The following MYH10 variants were observed in gnomAD, a reference collection of about 807,000 sequenced individuals.
MYH10 encodes the protein myosin heavy chain 10.
Under a neutral mutation model 257.8 loss-of-function variants are expected in MYH10, and 55 were observed. That is an observed-to-expected ratio of 0.21 (90% CI 0.17 to 0.27). The LOEUF is 0.27. Among genes scored for constraint, MYH10 ranks in the 10% least tolerant of loss-of-function variants. MYH10 has a pLI of 1.00. For missense variants in MYH10, 1,631 were observed against 2,500.6 expected (o/e 0.65, Z 7.42); for synonymous variants, 854 against 921.7 (o/e 0.93, Z 1.33).
intron 7 of MYH10, among the ~76,000 whole-genome samples, chr17:8,559,990 C>T (rs2082932443): frequency 2.0e-5 from 3 of 152,188 alleles, no homozygotes; most frequent in Admixed American, 1.3e-4. Context: ...CGTTCTCAAA[C>T]TTCTCATTTT....
chr17:8,587,231 TCTGCAGAA>T (rs2083943853), intron 4 of MYH10, among the ~76,000 whole-genome samples: 1 of 152,226 alleles, frequency 6.6e-6, no homozygotes, highest in South Asian at 2.1e-4. Context: ...CTGGCCCAGA[TCTGCAGAA>T]CTGCCCAGCT....
Position 8,554,026 on chromosome 17 carries a change from TA to T in MYH10, c.757-9del. 6.2e-7 allele frequency: 1 copy of T among 1,608,920 alleles called. No homozygotes were observed. The highest frequency in any genetic ancestry group is 8.5e-7 in the Non-Finnish European group (1 of 1,176,134). On this transcript the variant is annotated splice_polypyrimidine_tract_variant and intron_variant, in intron 7 of 42. Transcript: ENST00000360416. Reference sequence around the variant, plus strand: ...GATCCGAATAAATTTGCCCTGAAAATAAATTAAAAAGAGAAAATTGAAAATA... The same window carrying T: ...GATCCGAATAAATTTGCCCTGAAAATAATTAAAAAGAGAAAATTGAAAATA...
In MYH10 at chr17:8,604,977, A is replaced by G; in HGVS notation, c.351T>C (p.Tyr117=). 6.8e-7 allele frequency: 1 copy of G among 1,471,818 alleles called. No homozygotes were observed. The allele number at this position is 1,471,818 out of a possible 1,614,324, so 91.2% of individuals were successfully genotyped here. A position where few individuals can be genotyped will look rare whatever the true frequency, so the allele number is the denominator to read the frequency against. ...TTATAACTACACAGAAGAGTCCAGA[A>G]TAAGTCTAGAATAAAAATAAAATAG... is the stretch of plus-strand genomic sequence containing the variant. The part of the protein sequence containing the change: ...DRYYSGLIYT[Y]SGLFCVVINP... The change falls in exon 3 of 43, where the codon TAT becomes TAC. Residue 117 remains tyrosine (Y), a synonymous_variant. Transcript: ENST00000360416.
chr17:8,614,918 T>C (rs966568696), intron 2 of MYH10, among the ~76,000 whole-genome samples: 9 of 152,080 alleles, frequency 5.9e-5, no homozygotes, highest in African/African-American at 2.2e-4. Flanking sequence ...CTACAGAAAA[T>C]AAGCATATTA....
intron 31 of MYH10, 36 bp from the exon 32 acceptor site, chr17:8,493,921 C>A: frequency 1.3e-6 from 2 of 1,576,112 alleles, no homozygotes; most frequent in Non-Finnish European, 1.7e-6. Context: ...ACTTCCATTA[C>A]ATTTATCACC....
chr17:8,489,706 AAAACACACACACACACACACACAC>A (rs1194650227), intron 35 of MYH10, among the ~76,000 whole-genome samples: 5 of 112,886 alleles, frequency 4.4e-5, no homozygotes, highest in African/African-American at 1.8e-4. Flanking sequence ...TCCGTCTGAA[AAAACACACACACACACACACACAC>A]ACACACACAC....
intron 11 of MYH10, among the ~76,000 whole-genome samples, chr17:8,547,652 A>C (rs1206468684): frequency 6.6e-6 from 1 of 151,270 alleles, no homozygotes; most frequent in Non-Finnish European, 1.5e-5. Context: ...TGTTAGAATA[A>C]TCAAGCAGTC....
chr17:8,570,429 T>C (rs1483189601), intron 6 of MYH10, among the ~76,000 whole-genome samples: 1 of 152,170 alleles, frequency 6.6e-6, no homozygotes, highest in Non-Finnish European at 1.5e-5. Flanking sequence ...TACTTATATG[T>C]AAATTAGGCT....
intron 29 of MYH10, 129 bp from the exon 30 acceptor site, chr17:8,499,605 T>C: frequency 1.3e-6 from 1 of 783,898 alleles, no homozygotes; most frequent in South Asian, 1.7e-5. Context: ...GTTGAATGAA[T>C]GAATGAAAAT....
intron 41 of MYH10, among the ~76,000 whole-genome samples, chr17:8,478,037 G>A (rs1484321773): frequency 1.3e-5 from 2 of 152,280 alleles, no homozygotes; most frequent in Non-Finnish European, 2.9e-5. Flanking sequence ...TAGGCATTAG[G>A]GAGATAACAG....
chr17:8,619,155 A>G (rs1418406227), intron 2 of MYH10, among the ~76,000 whole-genome samples: 1 of 152,222 alleles, frequency 6.6e-6, no homozygotes, highest in Non-Finnish European at 1.5e-5. Flanking sequence ...CCATTTTGTC[A>G]CACTGAATAT....
At chr17:8,617,344 G>A (rs934946270) in intron 2 of MYH10, among the ~76,000 whole-genome samples, 2 of 152,108 alleles carry the variant, frequency 1.3e-5, no homozygotes, top group Non-Finnish European at 2.9e-5. Context: ...TCTGAGTTGA[G>A]GCAACAGCTC....
rs559050865 is a variant in MYH10, at chr17:8,506,671, G to C, written c.3215-182C>G. 3.3e-5 allele frequency among the ~76,000 whole-genome samples: 5 copies of C among 152,240 alleles called. No individual in the cohort carries two copies. The highest frequency in any genetic ancestry group is 1.2e-4 in the African/African-American group (5 of 41,534). ...GTCATTTCAAACCCACCGAGATCTG[G>C]AGGGGAGATAAATTAGTGTGGGGAG... On this transcript the variant is annotated intron_variant, in intron 26 of 42. Transcript: ENST00000360416. The surrounding 1 kb of genome is among the most constrained non-coding windows in gnomAD (Gnocchi z 5.0).
At position 8,493,836 on chromosome 17, in the gene MYH10, A is replaced by G. The variant is rs1916139915; in HGVS notation, c.4106T>C (p.Ile1369Thr). Residue 1369 changes from isoleucine to threonine, a missense_variant, in exon 32 of 43, where the codon ATC becomes ACC. Ile to Thr is a moderately conservative substitution (Grantham distance 89). Coordinates refer to ENST00000360416, the MANE Select transcript of MYH10 (RefSeq NM_001256012.3). ...TRQKLNLSSR[I>T]RQLEEEKNSL... ...GTTCTTCTCCTCTTCCAGCTGCCGG[A>G]TCCGACTGCTCAGGTTTAGTTTCTG... 6.8e-6 allele frequency: 11 copies of G among 1,613,214 alleles called. No homozygotes were observed. The highest frequency in any genetic ancestry group is 9.3e-6 in the Non-Finnish European group (11 of 1,179,812).
rs573351560 is a variant in MYH10, at chr17:8,611,930, G to GC, written c.346-6949_346-6948insG. Reference sequence around the variant, plus strand: ...CACTACAATCTCCAAGCTGAATGCAGTAGTGCCCCTTATCTGTGGTTTCAC... The same window carrying GC: ...CACTACAATCTCCAAGCTGAATGCAGCTAGTGCCCCTTATCTGTGGTTTCAC... On this transcript the variant is annotated intron_variant, in intron 2 of 42. Transcript: ENST00000360416. Among the ~76,000 whole-genome samples, 58 of 152,348 alleles carry GC rather than the reference G, an allele frequency of 3.8e-4. No individual in the cohort carries two copies. In the South Asian group the frequency reaches 8.9e-3, roughly 23 times the overall value.
At chr17:8,615,007 C>T (rs1332211881) in intron 2 of MYH10, among the ~76,000 whole-genome samples, 2 of 152,066 alleles carry the variant, frequency 1.3e-5, no homozygotes, top group Non-Finnish European at 2.9e-5. Context: ...TCAAAATTGA[C>T]ACAAGGCCAG....
At chr17:8,520,843 G>A in intron 19 of MYH10, 35 bp downstream of exon 19, 1 of 1,572,478 alleles carries the variant, frequency 6.4e-7, no homozygotes, top group Non-Finnish European at 8.6e-7. Context: ...GATAAACTCT[G>A]ATACATAAGC....
chr17:8,510,669 T>C (rs185504324), intron 24 of MYH10, among the ~76,000 whole-genome samples: 3 of 152,202 alleles, frequency 2.0e-5, no homozygotes, highest in Non-Finnish European at 4.4e-5. Flanking sequence ...ACATGAATAA[T>C]GTAGTAGCAC....
chr17:8,538,788 AG>A (rs774654640), intron 14 of MYH10, among the ~76,000 whole-genome samples: 4 of 152,224 alleles, frequency 2.6e-5, no homozygotes, highest in Non-Finnish European at 4.4e-5. Context: ...ACTGGTGACT[AG>A]GAACATCATG....
Sources: allele counts gnomAD v4.1 joint callset (sites outside exome capture counted in the v4.1 genomes callset), GRCh38; gene constraint gnomAD v4.1.1; non-coding constraint Gnocchi (gnomAD v3.1); transcripts MANE v1.5; gene names NCBI Gene and HGNC (gene_info 2026-07-23, HGNC 2026-07-21).